Variants in ERBB4 observed in about 807,000 individuals in gnomAD.
The protein encoded by ERBB4 is receptor tyrosine-protein kinase erbB-4.
In ERBB4, 42 loss-of-function variants were observed where a neutral mutation model predicts 158.0. The observed-to-expected ratio is 0.27, with a 90% CI of 0.21 to 0.34. The LOEUF (loss-of-function observed/expected upper bound fraction) is 0.34, where lower values mean the gene tolerates loss of function less well. Ranked by LOEUF, ERBB4 falls within the 10% of genes least tolerant of loss-of-function variation. The pLI is 1.00. For missense variants in ERBB4, 1,333 were observed against 1,624.1 expected (o/e 0.82, Z 3.08); for synonymous variants, 583 against 558.7 (o/e 1.04, Z -0.61).
intron 20 of ERBB4, among the ~76,000 whole-genome samples, chr2:211,501,871 G>T (rs12989342): frequency 1.3e-5 from 2 of 151,740 alleles, no homozygotes; most frequent in African/African-American, 4.8e-5. Flanking sequence ...ATAAAGCAAT[G>T]CCTTCATGGG....
chr2:211,902,232 CCAAT>C (rs1428398328), intron 3 of ERBB4, among the ~76,000 whole-genome samples: 1 of 151,980 alleles, frequency 6.6e-6, no homozygotes, highest in African/African-American at 2.4e-5. Context: ...AAATAAAACA[CCAAT>C]CAATGACATT....
Position 212,508,504 on chromosome 2 carries a change from CAT to C in ERBB4, c.82+29943_82+29944del, listed in dbSNP as rs1313633436. Among the ~76,000 whole-genome samples, 3 of 152,116 alleles carry C rather than the reference CAT, an allele frequency of 2.0e-5. No homozygotes were observed. In the South Asian group the frequency reaches 6.2e-4, roughly 32 times the overall value. On this transcript the variant is annotated intron_variant, in intron 1 of 27. Coordinates refer to ENST00000342788, the MANE Select transcript of ERBB4 (RefSeq NM_005235.3). ...TTTTAAACTTCTGATTTTTCAGACA[CAT>C]GTCTAAAAAAGAAGCTAAACTCACA...
intron 1 of ERBB4, among the ~76,000 whole-genome samples, chr2:212,363,765 T>G (rs2089781156): frequency 6.6e-6 from 1 of 151,736 alleles, no homozygotes; most frequent in African/African-American, 2.4e-5. Context: ...GGATTTACAC[T>G]ACTTCACAAT....
intron 20 of ERBB4, among the ~76,000 whole-genome samples, chr2:211,479,361 C>T (rs2065029728): frequency 6.6e-6 from 1 of 152,156 alleles, no homozygotes; most frequent in Admixed American, 6.6e-5. Flanking sequence ...ACCATCAAGA[C>T]ATTTTTTTCT....
intron 19 of ERBB4, among the ~76,000 whole-genome samples, chr2:211,588,782 C>T (rs941068636): frequency 3.3e-5 from 5 of 152,042 alleles, no homozygotes; most frequent in East Asian, 1.9e-4. Flanking sequence ...ATGATATATA[C>T]TAGTTTTAAA....
intron 1 of ERBB4, among the ~76,000 whole-genome samples, chr2:212,397,609 C>G (rs574633937): frequency 2.0e-5 from 3 of 152,190 alleles, no homozygotes; most frequent in African/African-American, 7.2e-5. Context: ...TTACACTCCT[C>G]TCTTTCCTAT....
At chr2:211,866,534 T>C (rs1302173514) in intron 3 of ERBB4, among the ~76,000 whole-genome samples, 1 of 152,154 alleles carries the variant, frequency 6.6e-6, no homozygotes, top group Non-Finnish European at 1.5e-5. Context: ...CGAAGCTAAG[T>C]TTCTTGATAA....
At chr2:212,412,406 T>G (rs73062319) in intron 1 of ERBB4, among the ~76,000 whole-genome samples, 5,005 of 152,200 alleles carry the variant, frequency 0.033, 281 homozygotes, top group African/African-American at 0.11. Context: ...CTCAAGATCC[T>G]AAAGTATGTG....
intron 2 of ERBB4, among the ~76,000 whole-genome samples, chr2:212,041,705 T>C (rs2077145696): frequency 6.6e-6 from 1 of 152,196 alleles, no homozygotes; most frequent in East Asian, 1.9e-4. Context: ...AGTATCAATA[T>C]AGAATATCCT....
At chr2:212,363,592 T>C (rs1233027622) in intron 1 of ERBB4, among the ~76,000 whole-genome samples, 1 of 151,276 alleles carries the variant, frequency 6.6e-6, no homozygotes, top group East Asian at 1.9e-4. Flanking sequence ...AAAAGACAAA[T>C]GAAAATAATT....
chr2:212,393,751 C>T (rs1007736082), intron 1 of ERBB4, among the ~76,000 whole-genome samples: 21 of 152,086 alleles, frequency 1.4e-4, no homozygotes, highest in Admixed American at 1.2e-3. Flanking sequence ...AAAAATGTTG[C>T]TGTGGCAGAT....
chr2:212,421,337 T>C (rs1172500658), intron 1 of ERBB4, among the ~76,000 whole-genome samples: 1 of 152,118 alleles, frequency 6.6e-6, no homozygotes, highest in African/African-American at 2.4e-5. Flanking sequence ...TGGAAACCCT[T>C]TTTAGGGTCA....
At chr2:212,509,374 TA>T (rs1691378434) in intron 1 of ERBB4, among the ~76,000 whole-genome samples, 1 of 152,096 alleles carries the variant, frequency 6.6e-6, no homozygotes, top group African/African-American at 2.4e-5. Flanking sequence ...TAAGTGATAC[TA>T]AGGTCTTAAT....
intron 13 of ERBB4, among the ~76,000 whole-genome samples, chr2:211,677,108 T>C (rs1205108967): frequency 1.3e-5 from 2 of 152,194 alleles, no homozygotes; most frequent in African/African-American, 4.8e-5. Flanking sequence ...GTTTTGGACA[T>C]CTTGCAAAGA....
chr2:212,178,245 G>T (rs1256086959), intron 1 of ERBB4, among the ~76,000 whole-genome samples: 1 of 151,634 alleles, frequency 6.6e-6, no homozygotes, highest in African/African-American at 2.4e-5. Flanking sequence ...ATATCAATTT[G>T]TCAATAGTAA....
chr2:212,267,997 C>T (rs1269256108), intron 1 of ERBB4, among the ~76,000 whole-genome samples: 2 of 151,842 alleles, frequency 1.3e-5, no homozygotes, highest in African/African-American at 4.8e-5. Flanking sequence ...CAACAGAGTG[C>T]TATGCCCAAT....
intron 1 of ERBB4, among the ~76,000 whole-genome samples, chr2:212,158,488 T>G (rs535638062): frequency 2.6e-5 from 4 of 152,156 alleles, no homozygotes; most frequent in Admixed American, 2.6e-4. Flanking sequence ...CAAAAGTCCC[T>G]ATCTATCCAT....
intron 1 of ERBB4, among the ~76,000 whole-genome samples, chr2:212,286,210 G>A (rs1646038278): frequency 1.3e-5 from 2 of 152,090 alleles, no homozygotes. Flanking sequence ...ACGGTTTACT[G>A]AAGCATTAAA....
intron 2 of ERBB4, among the ~76,000 whole-genome samples, chr2:212,040,890 C>A (rs554849460): frequency 1.3e-5 from 2 of 152,088 alleles, no homozygotes; most frequent in Non-Finnish European, 2.9e-5. Flanking sequence ...CCTATCTAGA[C>A]CCTATTTACC....
Sources: gnomAD v4.1 joint callset for allele counts (sites outside exome capture counted in the v4.1 genomes callset) on GRCh38, gnomAD v4.1.1 for gene constraint, MANE v1.5 for transcripts, NCBI Gene and HGNC (gene_info 2026-07-23, HGNC 2026-07-21) for gene names.